HMX1: variants seen among roughly 807,000 people sequenced by gnomAD.
The protein encoded by HMX1 is H6 family homeobox 1, also known as homeobox protein HMX1.
HMX1 carries 8 observed loss-of-function variants against 8.9 expected under a neutral mutation model. The observed-to-expected ratio is 0.90, with a 90% CI of 0.53 to 1.63. The LOEUF (loss-of-function observed/expected upper bound fraction) is 1.63. HMX1 is among the 40% of genes most tolerant of loss of function. The pLI is 0.00. For missense variants in HMX1, 621 were observed against 558.5 expected (o/e 1.11, Z -1.13); for synonymous variants, 311 against 283.4 (o/e 1.10, Z -0.98).
At chr4:8,854,287 C>T (rs564254275) in intron 1 of HMX1, among the ~76,000 whole-genome samples, 1 of 152,376 alleles carries the variant, frequency 6.6e-6, no homozygotes, top group East Asian at 1.9e-4. Flanking sequence ...CCCAGCAGGG[C>T]CTGGGCCCCA....
Position 8,871,357 on chromosome 4 carries a change from C to A in HMX1, c.258G>T (p.Leu86=). The change falls in exon 1 of 2, where the codon CTG becomes CTT. Residue 86 remains leucine (L), a synonymous_variant. Transcript: ENST00000400677. This position sits in a 1 kb window ranked among gnomAD's most constrained non-coding sequence, Gnocchi z 4.8. The stretch of plus-strand genomic sequence containing the variant: ...CGAGGCCCAGCGCGCCCGGCCCGAG[C>A]AGCGCACGGGCCCGCGCCTCCCCGC... The part of the protein sequence containing the change: ...GPGGEARARA[L]LGPGALGLGP... 1 of 1,251,728 alleles carries A rather than the reference C, an allele frequency of 8.0e-7. No individual in the cohort carries two copies. The highest frequency in any genetic ancestry group is 1.0e-6 in the Non-Finnish European group (1 of 999,916). The allele number at this position is 1,251,728 out of a possible 1,614,324, so 77.5% of individuals were successfully genotyped here.
At chr4:8,852,175 G>A (rs1721471342) in intron 1 of HMX1, among the ~76,000 whole-genome samples, 1 of 152,322 alleles carries the variant, frequency 6.6e-6, no homozygotes, top group African/African-American at 2.4e-5. Context: ...GTTATTTTGG[G>A]TAACAGACCT....
At position 8,869,208 on chromosome 4, in the gene HMX1, A is replaced by G. The variant is rs529150959; in HGVS notation, c.395-863T>C. 3.3e-5 allele frequency among the ~76,000 whole-genome samples: 5 copies of G among 152,332 alleles called. No homozygotes were observed. The East Asian group carries it at 9.6e-4, about 29-fold the overall frequency. On this transcript the variant is annotated intron_variant, in intron 1 of 1. Transcript: ENST00000400677. ...TGTCTGAGTTCATGTTCCAAGTACC[A>G]AGCTCCCCTACTCATCTCCTAGGAA...
downstream of HMX1, among the ~76,000 whole-genome samples, chr4:8,864,002 GGC>G: frequency 6.6e-6 from 1 of 152,338 alleles, no homozygotes; most frequent in East Asian, 1.9e-4. Flanking sequence ...CCAACACTGG[GGC>G]AGGGTGGGGA....
rs1181357446 is a variant in HMX1, at chr4:8,847,090, CT to C, written c.395-767del. Reference sequence around the variant, plus strand: ...GACACAGTGGCAAAGTGGGAATTCCCTGACCATTTGCATTGCCACATCAAGG... The same window carrying C: ...GACACAGTGGCAAAGTGGGAATTCCCGACCATTTGCATTGCCACATCAAGG... On this transcript the variant is annotated intron_variant, in intron 1 of 1. Coordinates refer to the HMX1 transcript ENST00000506970. The surrounding 1 kb of genome is among the most constrained non-coding windows in gnomAD (Gnocchi z 6.0). Among the ~76,000 whole-genome samples the C allele has an allele frequency of 6.6e-6, 1 of 152,150 alleles. No individual in the cohort carries two copies. Among genetic ancestry groups the C allele is most frequent in the Non-Finnish European group, 1.5e-5 (1 of 68,026 alleles).
chr4:8,860,146 TGC>T (rs945855292), intron 1 of HMX1, among the ~76,000 whole-genome samples: 1 of 152,200 alleles, frequency 6.6e-6, no homozygotes. Context: ...CACCCCCGGG[TGC>T]GCGCGGCGTG....
rs1256167562 is a variant in HMX1, at chr4:8,871,599, T to C, written c.16A>G (p.Thr6Ala). The C allele has an allele frequency of 1.5e-6, 2 of 1,321,112 alleles. No homozygotes were observed. Among genetic ancestry groups the C allele is most frequent in the Non-Finnish European group, 1.9e-6 (2 of 1,034,114 alleles). 81.8% of individuals were successfully genotyped at this position (1,321,112 alleles called of 1,614,324 possible). Residue 6 changes from threonine (T) to alanine (A), a missense_variant, in exon 1 of 2, where the codon ACG becomes GCG. Transcript: ENST00000400677. The surrounding 1 kb of genome is among the most constrained non-coding windows in gnomAD (Gnocchi z 4.8). MPDELTEPGRATPARA... is the reference protein window; with the variant it reads MPDELAEPGRATPARA... ...GCCGGCGTGGCGCGCCCGGGCTCCG[T>C]CAGCTCGTCAGGCATCGCGGCCGCG...
Position 8,871,718 on chromosome 4 carries a change from C to T in HMX1, c.-104G>A, listed in dbSNP as rs932838018. 8.4e-6 allele frequency: 9 copies of T among 1,073,846 alleles called. No individual in the cohort carries two copies. The African/African-American group carries it at 1.2e-4, about 14-fold the overall frequency. The allele number at this position is 1,073,846 out of a possible 1,614,324, so 66.5% of individuals were successfully genotyped here. On this transcript the variant is annotated 5_prime_UTR_variant, in exon 1 of 2. Transcript: ENST00000400677. This position sits in a 1 kb window ranked among gnomAD's most constrained non-coding sequence, Gnocchi z 4.8. Reference sequence around the variant, plus strand: ...GCGCGGGCCGGCCCTGGAGCTGCTACCCGGACCGCTGGCGTCGGGCCCCGC... The same window carrying T: ...GCGCGGGCCGGCCCTGGAGCTGCTATCCGGACCGCTGGCGTCGGGCCCCGC...
chr4:8,854,719 A>G (rs137999208), intron 1 of HMX1, among the ~76,000 whole-genome samples: 2,337 of 152,336 alleles, frequency 0.015, 71 homozygotes, highest in African/African-American at 0.054. Flanking sequence ...TAACTATTCT[A>G]TTGATTCTCT....
At chr4:8,862,109 C>T (rs1173402737), downstream of HMX1, among the ~76,000 whole-genome samples, 1 of 152,224 alleles carries the variant, frequency 6.6e-6, no homozygotes, top group East Asian at 1.9e-4. Flanking sequence ...GGAGGGGGCA[C>T]CACGACCAGT....
intron 1 of HMX1, among the ~76,000 whole-genome samples, chr4:8,859,282 C>A (rs1721717256): frequency 6.6e-6 from 1 of 151,488 alleles, no homozygotes; most frequent in Non-Finnish European, 1.5e-5. Context: ...CAGTTTTAGT[C>A]ATCGCAAACT....
Position 8,871,389 on chromosome 4 carries a change from C to A in HMX1, c.226G>T (p.Gly76Trp). 8.0e-7 allele frequency: 1 copy of A among 1,246,204 alleles called. No individual in the cohort carries two copies. The highest frequency in any genetic ancestry group is 1.0e-6 in the Non-Finnish European group (1 of 992,668). The allele number at this position is 1,246,204 out of a possible 1,614,324, so 77.2% of individuals were successfully genotyped here. The change falls in exon 1 of 2, where the codon GGG becomes TGG. Residue 76 changes from glycine to tryptophan, a missense_variant. Coordinates refer to ENST00000400677, the MANE Select transcript of HMX1 (RefSeq NM_018942.3). This position sits in a 1 kb window ranked among gnomAD's most constrained non-coding sequence, Gnocchi z 4.8. ...QRRRQLLAGT[G>W]PGGEARARAL... ...CGGGCCCGCGCCTCCCCGCCGGGCC[C>A]GGTGCCCGCGAGCAACTGTCGCCGC...
exon 2 of HMX1, chr4:8,846,172 G>C: frequency 8.2e-7 from 1 of 1,216,260 alleles, no homozygotes; most frequent in Non-Finnish European, 1.2e-6. Flanking sequence ...GCTGACAAAG[G>C]CTCCACCGTG....
At chr4:8,846,392 G>A in intron 1 of HMX1, 1 of 1,245,026 alleles carries the variant, frequency 8.0e-7, no homozygotes, top group Admixed American at 2.2e-5. Context: ...GCTAATCCTG[G>A]ATGCTCCACT....
In HMX1 at chr4:8,868,753, C is replaced by T. The variant is rs533450212; in HGVS notation, c.395-408G>A. Among the ~76,000 whole-genome samples, 3 of 152,284 alleles carry T rather than the reference C, an allele frequency of 2.0e-5. No individual in the cohort carries two copies. Among genetic ancestry groups the T allele is most frequent in the South Asian group, 4.1e-4 (2 of 4,820 alleles). ...AACACACAAACCTCCCGCAGAAGTC[C>T]CGGGACAAGAGGAAAGATGTCCTTC... is the stretch of plus-strand genomic sequence containing the variant. On this transcript the variant is annotated intron_variant, in intron 1 of 1. Coordinates refer to ENST00000400677, the MANE Select transcript of HMX1 (RefSeq NM_018942.3). The surrounding 1 kb of genome is among the most constrained non-coding windows in gnomAD (Gnocchi z 4.6).
At chr4:8,861,720 AG>A (rs1721831868) in intron 1 of HMX1, among the ~76,000 whole-genome samples, 1 of 152,152 alleles carries the variant, frequency 6.6e-6, no homozygotes, top group African/African-American at 2.4e-5. Flanking sequence ...CCGTCGTTCC[AG>A]GGGCCTCTGC....
chr4:8,846,119 C>G, exon 2 of HMX1: 3 of 680,744 alleles, frequency 4.4e-6, no homozygotes, highest in Admixed American at 2.5e-5. Context: ...CACTGAGTGC[C>G]CCCTGTGGGA....
rs1054998524 is a variant in HMX1 at position 8,846,267 on chromosome 4, G to A, written c.452C>T (p.Ala151Val). The A allele has an allele frequency of 5.2e-6, 8 of 1,535,274 alleles. No homozygotes were observed. The Admixed American group carries it at 7.8e-5, about 15-fold the overall frequency. The change falls in exon 2 of 2, where the codon GCT becomes GTT. Residue 151 changes from alanine to valine, a missense_variant. Ala to Val is a moderately conservative substitution (Grantham distance 64, BLOSUM62 0). Transcript: ENST00000506970. ...ACTTCTGTTCACTTTGTATTTATCA[G>A]CTCTGGTCACCTGCCCCTCTCCACA...
intron 1 of HMX1, among the ~76,000 whole-genome samples, chr4:8,846,961 A>G (rs1240509355): frequency 6.6e-6 from 1 of 152,200 alleles, no homozygotes; most frequent in East Asian, 1.9e-4. Context: ...GCACCCCCTG[A>G]GGGCAGGGTG....
Sources: allele counts gnomAD v4.1 joint callset (sites outside exome capture counted in the v4.1 genomes callset), GRCh38; gene constraint gnomAD v4.1.1; non-coding constraint Gnocchi (gnomAD v3.1); transcripts MANE v1.5; gene names NCBI Gene and HGNC (gene_info 2026-07-23, HGNC 2026-07-21).